Variants in WDFY2 observed in about 807,000 individuals in gnomAD.
WDFY2 encodes WD repeat and FYVE domain containing 2.
Under a neutral mutation model 56.4 loss-of-function variants are expected in WDFY2, and 36 were observed. That is an observed-to-expected ratio of 0.64 (90% CI 0.49 to 0.84). The LOEUF is 0.84. WDFY2 is among the 40% of genes least tolerant of loss of function. The pLI, the probability that WDFY2 is intolerant of heterozygous loss-of-function variation, is 0.00. For synonymous variants in WDFY2, 176 were observed against 183.7 expected (o/e 0.96, Z 0.34); for missense variants, 444 against 512.2 (o/e 0.87, Z 1.29).
At chr13:51,683,883 T>C (rs1956018421) in intron 3 of WDFY2, among the ~76,000 whole-genome samples, 1 of 152,136 alleles carries the variant, frequency 6.6e-6, no homozygotes, top group African/African-American at 2.4e-5. Flanking sequence ...TGCACTTGGA[T>C]GCTACAGTGA....
chr13:51,718,671 G>C (rs1038141880), intron 4 of WDFY2, among the ~76,000 whole-genome samples: 8 of 151,552 alleles, frequency 5.3e-5, no homozygotes, highest in Admixed American at 4.6e-4. Context: ...TCCTTTCCAT[G>C]CATTTAATTT....
chr13:51,614,334 A>C (rs553948365), intron 1 of WDFY2, among the ~76,000 whole-genome samples: 57 of 152,334 alleles, frequency 3.7e-4, no homozygotes, highest in African/African-American at 1.3e-3. Context: ...GTGAACCCTG[A>C]TATATAGTTT....
rs1349466193 is a variant in WDFY2 at position 51,763,286 on chromosome 13, GAC to G, written c.*3519_*3520del. ...TGTTCCTCTTATCGAAAGCATATAT[GAC>G]AGTTTTTTTGGCTCCGGCCCTGTGG... On this transcript the variant is annotated 3_prime_UTR_variant, in exon 12 of 12. Transcript: ENST00000298125. 1.3e-5 allele frequency: 2 copies of G among 152,162 alleles called. No homozygotes were observed. The highest frequency in any genetic ancestry group is 2.9e-5 in the Non-Finnish European group (2 of 68,052). 9.4% of individuals were successfully genotyped at this position (152,162 alleles called of 1,614,324 possible).
intron 3 of WDFY2, among the ~76,000 whole-genome samples, chr13:51,702,945 G>A (rs557584568): frequency 1.3e-5 from 2 of 152,276 alleles, no homozygotes; most frequent in South Asian, 2.1e-4. Context: ...ATGCATGGGT[G>A]AAACAACAGA....
Position 51,756,333 on chromosome 13 carries a change from ACCACTGCCGCAAGTGTGGGAAGG to A in WDFY2, c.938_960del (p.His313ArgfsTer20). 2 of 1,613,226 alleles carry A rather than the reference ACCACTGCCGCAAGTGTGGGAAGG, an allele frequency of 1.2e-6. No homozygotes were observed. The highest frequency in any genetic ancestry group is 1.7e-6 in the Non-Finnish European group (2 of 1,179,554). On this transcript the variant is annotated frameshift_variant and splice_region_variant, in exon 10 of 12. Coordinates refer to ENST00000298125, the MANE Select transcript of WDFY2 (RefSeq NM_052950.4). LOFTEE classifies it high-confidence loss of function. ...ATCTATTTTATCTCCCTCCTCCAGC[ACCACTGCCGCAAGTGTGGGAAGG>A]CCGTCTGTGGCAAGTGCAGCTCCAA...
At chr13:51,683,341 T>C (rs1207915473) in intron 3 of WDFY2, among the ~76,000 whole-genome samples, 2 of 152,186 alleles carry the variant, frequency 1.3e-5, no homozygotes, top group African/African-American at 2.4e-5. Context: ...TCAAAATTCT[T>C]TTCTTAACCA....
intron 3 of WDFY2, among the ~76,000 whole-genome samples, chr13:51,676,293 G>A (rs1371530508): frequency 6.6e-6 from 1 of 152,208 alleles, no homozygotes; most frequent in African/African-American, 2.4e-5. Flanking sequence ...GTCCACCCTT[G>A]AGTGCAGGGC....
At chr13:51,690,949 A>G (rs1292666961) in intron 3 of WDFY2, among the ~76,000 whole-genome samples, 1 of 152,190 alleles carries the variant, frequency 6.6e-6, no homozygotes, top group Non-Finnish European at 1.5e-5. Flanking sequence ...ATGGCCAGTG[A>G]TGGTGAGCAT....
At chr13:51,677,175 G>T (rs972004937) in intron 3 of WDFY2, among the ~76,000 whole-genome samples, 1 of 152,150 alleles carries the variant, frequency 6.6e-6, no homozygotes, top group African/African-American at 2.4e-5. Flanking sequence ...ATCAGTCAGG[G>T]TCCATCTTTC....
intron 6 of WDFY2, among the ~76,000 whole-genome samples, chr13:51,730,694 G>C (rs1304448358): frequency 1.3e-5 from 2 of 152,228 alleles, no homozygotes; most frequent in Non-Finnish European, 2.9e-5. Context: ...CTCCTCAGGA[G>C]TCTGCCTGAC....
At chr13:51,716,663 A>G (rs1038287679) in intron 4 of WDFY2, among the ~76,000 whole-genome samples, 2 of 139,616 alleles carry the variant, frequency 1.4e-5, no homozygotes, top group African/African-American at 5.3e-5. Context: ...ACTGCACTCC[A>G]GCCTGGGCGA....
At chr13:51,633,915 T>A (rs971138354) in intron 1 of WDFY2, among the ~76,000 whole-genome samples, 7 of 152,232 alleles carry the variant, frequency 4.6e-5, no homozygotes, top group Non-Finnish European at 1.0e-4. Context: ...GTCATTCTGT[T>A]TAATCTGGTG....
At chr13:51,725,192 A>G (rs1952578351) in intron 5 of WDFY2, among the ~76,000 whole-genome samples, 1 of 152,130 alleles carries the variant, frequency 6.6e-6, no homozygotes, top group African/African-American at 2.4e-5. Context: ...ATAGTTCCTC[A>G]TTTGGTTTAT....
At chr13:51,615,937 C>A (rs1954602062) in intron 1 of WDFY2, among the ~76,000 whole-genome samples, 1 of 152,106 alleles carries the variant, frequency 6.6e-6, no homozygotes, top group Non-Finnish European at 1.5e-5. Flanking sequence ...TTTTAAAAAG[C>A]AGAATATTCG....
At chr13:51,640,078 TTTG>T (rs1384084180) in intron 1 of WDFY2, among the ~76,000 whole-genome samples, 1 of 152,200 alleles carries the variant, frequency 6.6e-6, no homozygotes, top group African/African-American at 2.4e-5. Context: ...CCAGAATTTG[TTTG>T]TTATCTAGAG....
chr13:51,679,998 C>T (rs1402725770), intron 3 of WDFY2, among the ~76,000 whole-genome samples: 2 of 152,168 alleles, frequency 1.3e-5, no homozygotes, highest in African/African-American at 4.8e-5. Context: ...TATAATAGCT[C>T]ACTGCAGCCT....
At chr13:51,615,686 A>G (rs1954597700) in intron 1 of WDFY2, among the ~76,000 whole-genome samples, 1 of 152,376 alleles carries the variant, frequency 6.6e-6, no homozygotes, top group East Asian at 1.9e-4. Context: ...TGACCATACA[A>G]TACAATTATT....
At chr13:51,746,303 G>T (rs1054951477) in intron 7 of WDFY2, among the ~76,000 whole-genome samples, 1 of 152,182 alleles carries the variant, frequency 6.6e-6, no homozygotes, top group Non-Finnish European at 1.5e-5. Flanking sequence ...CCAAGCCCAA[G>T]AAACTCTACT....
intron 3 of WDFY2, 111 bp downstream of exon 3, chr13:51,675,354 A>G: frequency 9.9e-7 from 1 of 1,013,612 alleles, no homozygotes; most frequent in Non-Finnish European, 1.5e-6. Context: ...TGCTAAGTAG[A>G]ATGAAAATTG....
Sources: gnomAD v4.1 joint callset for allele counts (sites outside exome capture counted in the v4.1 genomes callset) on GRCh38, gnomAD v4.1.1 for gene constraint, MANE v1.5 for transcripts, NCBI Gene and HGNC (gene_info 2026-07-23, HGNC 2026-07-21) for gene names.